PITPNC1: variants seen among roughly 807,000 people sequenced by gnomAD.
PITPNC1 encodes the protein cytoplasmic phosphatidylinositol transfer protein 1.
A neutral mutation model predicts 44.7 loss-of-function variants in PITPNC1; 18 were observed. That is an observed-to-expected ratio of 0.40 (90% CI 0.28 to 0.60). PITPNC1 has a LOEUF of 0.60. Among genes scored for constraint, PITPNC1 ranks in the 20% least tolerant of loss-of-function variants. PITPNC1 has a pLI of 0.39. For missense variants in PITPNC1, 290 were observed against 418.4 expected, an observed-to-expected ratio of 0.69 and a Z score of 2.68; for synonymous variants, 141 against 149.6, an observed-to-expected ratio of 0.94 and a Z score of 0.42.
chr17:67,497,997 A>T (rs1053301047), intron 1 of PITPNC1, among the ~76,000 whole-genome samples: 1 of 151,454 alleles, frequency 6.6e-6, no homozygotes, highest in African/African-American at 2.4e-5. Flanking sequence ...AGTAGCTGGG[A>T]CCACAGGCAT....
chr17:67,585,216 T>G (rs1012883122), intron 5 of PITPNC1, among the ~76,000 whole-genome samples: 2 of 151,826 alleles, frequency 1.3e-5, no homozygotes, highest in African/African-American at 4.8e-5. Context: ...GAATTGCAGC[T>G]GTGCTAAGTG....
chr17:67,456,847 T>A (rs1456119757), intron 1 of PITPNC1, among the ~76,000 whole-genome samples: 1 of 152,244 alleles, frequency 6.6e-6, no homozygotes, highest in Admixed American at 6.5e-5. Context: ...AGCCTGTGAA[T>A]GTACTTAGTT....
At chr17:67,446,318 T>C (rs1274131349) in intron 1 of PITPNC1, among the ~76,000 whole-genome samples, 3 of 151,894 alleles carry the variant, frequency 2.0e-5, no homozygotes, top group African/African-American at 7.2e-5. Context: ...ATTGGTTTCT[T>C]GACCTGCCTC....
chr17:67,559,603 A>G (rs1272932836), intron 4 of PITPNC1, among the ~76,000 whole-genome samples: 2 of 152,198 alleles, frequency 1.3e-5, no homozygotes, highest in Admixed American at 6.5e-5. Flanking sequence ...AGAGGACAGT[A>G]AGGCCAGGTG....
Position 67,655,179 on chromosome 17 carries a change from G to A in PITPNC1, c.463-14329G>A, listed in dbSNP as rs144514518. ...CAGATTCAGTGCCTGGAGATGGCTC[G>A]TTTCTTGGTTCATAGATGGCGCCCC... On this transcript the variant is annotated intron_variant, in intron 6 of 8. Coordinates refer to ENST00000581322, the MANE Select transcript of PITPNC1 (RefSeq NM_012417.4). Among the ~76,000 whole-genome samples the A allele has an allele frequency of 3.0e-3, 458 of 152,238 alleles. 1 individual carries two copies. The highest frequency in any genetic ancestry group is 0.01 in the African/African-American group (423 of 41,516).
At chr17:67,594,038 TG>T (rs1372565885) in intron 5 of PITPNC1, among the ~76,000 whole-genome samples, 3 of 152,194 alleles carry the variant, frequency 2.0e-5, no homozygotes, top group Non-Finnish European at 4.4e-5. Context: ...TGGAGCATTT[TG>T]GTGGAGAACA....
At chr17:67,408,647 T>G in intron 1 of PITPNC1, 1 of 151,792 alleles carries the variant, frequency 6.6e-6, no homozygotes, top group Non-Finnish European at 1.5e-5. Flanking sequence ...CCTTTCCTTT[T>G]CCTCCCTCCC....
intron 1 of PITPNC1, among the ~76,000 whole-genome samples, chr17:67,511,370 A>G (rs2040182553): frequency 6.6e-6 from 1 of 152,228 alleles, no homozygotes; most frequent in Non-Finnish European, 1.5e-5. Context: ...TCCTAGGTAG[A>G]GTAGCTAGGT....
intron 1 of PITPNC1, among the ~76,000 whole-genome samples, chr17:67,381,740 C>T (rs954413095): frequency 6.6e-6 from 1 of 152,204 alleles, no homozygotes; most frequent in South Asian, 2.1e-4. Context: ...GCGTGAGCCA[C>T]CGCGCCCGGC....
intron 1 of PITPNC1, among the ~76,000 whole-genome samples, chr17:67,505,877 ACT>A (rs948144239): frequency 2.0e-5 from 3 of 151,804 alleles, no homozygotes; most frequent in Non-Finnish European, 4.4e-5. Context: ...TTTTGGAGTA[ACT>A]CTCTTTTCCC....
At chr17:67,472,963 C>T (rs2039566476) in intron 1 of PITPNC1, among the ~76,000 whole-genome samples, 1 of 151,472 alleles carries the variant, frequency 6.6e-6, no homozygotes, top group African/African-American at 2.4e-5. Flanking sequence ...GCAAGCTCTG[C>T]CTCTCAGGTT....
chr17:67,387,130 A>G (rs954867203), intron 1 of PITPNC1, among the ~76,000 whole-genome samples: 2 of 152,242 alleles, frequency 1.3e-5, no homozygotes, highest in African/African-American at 4.8e-5. Flanking sequence ...TCAAACGAAC[A>G]GCGTCGCAGG....
At chr17:67,495,042 TTTTTTTTTTG>T (rs1206757247) in intron 1 of PITPNC1, among the ~76,000 whole-genome samples, 8,094 of 67,608 alleles carry the variant, frequency 0.12, 620 homozygotes, top group Non-Finnish European at 0.16. Context: ...ATGGAGTTGT[TTTTTTTTTTG>T]TTTTTTTTTT....
At chr17:67,490,112 CTGTGTGTGTGTGTGTG>C (rs71354073) in intron 1 of PITPNC1, among the ~76,000 whole-genome samples, 23,523 of 144,920 alleles carry the variant, frequency 0.16, 2,327 homozygotes, top group African/African-American at 0.28. Flanking sequence ...ACAGGCTTTT[CTGTGTGTGTGTGTGTG>C]TGTGTGTGTG....
chr17:67,679,737 G>A (rs2042668848), intron 8 of PITPNC1, among the ~76,000 whole-genome samples: 1 of 152,176 alleles, frequency 6.6e-6, no homozygotes, highest in Non-Finnish European at 1.5e-5. Context: ...TCAAAGCCGT[G>A]ATTGGTCTTT....
intron 5 of PITPNC1, among the ~76,000 whole-genome samples, chr17:67,579,272 C>G (rs2041193926): frequency 6.6e-6 from 1 of 152,218 alleles, no homozygotes; most frequent in South Asian, 2.1e-4. Flanking sequence ...TTGGGGGTGA[C>G]TGTTTTGACC....
chr17:67,672,917 A>G (rs1225348002), intron 7 of PITPNC1, among the ~76,000 whole-genome samples: 1 of 152,102 alleles, frequency 6.6e-6, no homozygotes, highest in Non-Finnish European at 1.5e-5. Context: ...TAAGGGGAAA[A>G]AAATGTTCGA....
At chr17:67,626,793 C>T (rs2041901395) in intron 5 of PITPNC1, among the ~76,000 whole-genome samples, 2 of 149,936 alleles carry the variant, frequency 1.3e-5, no homozygotes, top group Non-Finnish European at 3.0e-5. Context: ...GTGCTTACAA[C>T]CAAGGAAACA....
intron 6 of PITPNC1, among the ~76,000 whole-genome samples, chr17:67,662,961 G>T (rs2042369963): frequency 6.6e-6 from 1 of 152,046 alleles, no homozygotes; most frequent in African/African-American, 2.4e-5. Context: ...TTGATTTCAT[G>T]TCTTTGCTTT....
Sources: gnomAD v4.1 joint callset for allele counts (sites outside exome capture counted in the v4.1 genomes callset) on GRCh38, gnomAD v4.1.1 for gene constraint, MANE v1.5 for transcripts, NCBI Gene and HGNC (gene_info 2026-07-23, HGNC 2026-07-21) for gene names.